The following UAP1 variants were observed in gnomAD, a reference collection of about 807,000 sequenced individuals.
The protein encoded by UAP1 is UDP-N-acetylglucosamine pyrophosphorylase 1.
In UAP1, 25 loss-of-function variants were observed where a neutral mutation model predicts 58.5. That is an observed-to-expected ratio of 0.43 (90% CI 0.31 to 0.60). The LOEUF is 0.60. Among genes scored for constraint, UAP1 ranks in the 20% least tolerant of loss-of-function variants. The pLI, the probability that UAP1 is intolerant of heterozygous loss-of-function variation, is 0.11. For synonymous variants in UAP1, 208 were observed against 213.0 expected, an observed-to-expected ratio of 0.98 and a Z score of 0.21; for missense variants, 575 against 630.0, an observed-to-expected ratio of 0.91 and a Z score of 0.93.
rs146006686 is a variant in UAP1 at position 162,581,754 on chromosome 1, G to A, written c.834+295G>A. Reference sequence around the variant, plus strand: ...GGGTTGGATTCATTAATATCAAATTGTGTTCAATCAGATTAACCCAACTTT... The same window carrying A: ...GGGTTGGATTCATTAATATCAAATTATGTTCAATCAGATTAACCCAACTTT... On this transcript the variant is annotated intron_variant, in intron 5 of 10. Transcript: ENST00000271469. Among the ~76,000 whole-genome samples, 626 of 152,292 alleles carry A rather than the reference G, an allele frequency of 4.1e-3. 13 individuals carry two copies. The highest frequency in any genetic ancestry group is 1.1e-3 in the Non-Finnish European group (78 of 68,018).
At chr1:162,589,230 T>A (rs1294048100) in intron 7 of UAP1, among the ~76,000 whole-genome samples, 1 of 121,696 alleles carries the variant, frequency 8.2e-6, no homozygotes, top group African/African-American at 3.2e-5. Context: ...ATTTATATAT[T>A]ATATATAAAT....
Position 162,599,102 on chromosome 1 carries a change from G to A in UAP1, c.1477-169G>A, listed in dbSNP as rs551999259. The stretch of plus-strand genomic sequence containing the variant: ...ATATTTTTGTTTTATGCTTTTACAA[G>A]TCAGTCATTAAGTCTACTCTAAAAT... On this transcript the variant is annotated intron_variant, in intron 10 of 10. Transcript: ENST00000271469. Among the ~76,000 whole-genome samples, 5 of 151,462 alleles carry A rather than the reference G, an allele frequency of 3.3e-5. No homozygotes were observed. The East Asian group carries it at 9.6e-4, about 29-fold the overall frequency.
At chr1:162,568,526 G>A (rs1310606842) in intron 2 of UAP1, among the ~76,000 whole-genome samples, 1 of 152,216 alleles carries the variant, frequency 6.6e-6, no homozygotes, top group Non-Finnish European at 1.5e-5. Flanking sequence ...TCTTCTTCAA[G>A]GAGGTGCTTT....
chr1:162,587,479 T>TA lies in UAP1; in HGVS notation c.840dup (p.Glu281ArgfsTer25). ...CTGTTTTTCTCTGGTGGACAGGTGG[T>TA]AGAGAAAACGAACCCTACAGAACCA... On this transcript the variant is annotated frameshift_variant, in exon 6 of 11. Coordinates refer to ENST00000271469, the Ensembl canonical transcript of UAP1. LOFTEE classifies it high-confidence loss of function. 1 of 1,605,218 alleles carries TA rather than the reference T, an allele frequency of 6.2e-7. No homozygotes were observed. Among genetic ancestry groups the TA allele is most frequent in the Non-Finnish European group, 8.5e-7 (1 of 1,173,662 alleles).
chr1:162,571,377 G>A (rs1032445182), intron 2 of UAP1, among the ~76,000 whole-genome samples: 7 of 152,076 alleles, frequency 4.6e-5, no homozygotes, highest in Non-Finnish European at 2.9e-5. Context: ...TGATTTGCCT[G>A]CCTTGGCCTC....
chr1:162,576,916 A>G, exon 3 of UAP1: 3 of 1,614,240 alleles, frequency 1.9e-6, no homozygotes, highest in Non-Finnish European at 2.5e-6. Context: ...AGATTCAAGC[A>G]GAGCGTATCC....
chr1:162,589,122 T>A lies in UAP1; in HGVS notation c.1169+289T>A, dbSNP rs1301616373. Among the ~76,000 whole-genome samples the A allele has an allele frequency of 9.7e-3, 1,134 of 116,436 alleles. 23 individuals carry two copies. The highest frequency in any genetic ancestry group is 0.037 in the African/African-American group (1,078 of 28,754). 76.4% of individuals were successfully genotyped at this position (116,436 alleles called of 152,430 possible). On this transcript the variant is annotated intron_variant, in intron 7 of 10. Coordinates refer to ENST00000271469, the Ensembl canonical transcript of UAP1. ...AAATATATATATTATATATATATTTTATATATATAATTTATATATTTATAT... is the reference window on the plus strand; with the variant it reads ...AAATATATATATTATATATATATTTAATATATATAATTTATATATTTATAT...
At chr1:162,597,737 C>A in intron 9 of UAP1, 55 bp from the exon 10 acceptor site, 1 of 1,487,456 alleles carries the variant, frequency 6.7e-7, no homozygotes, top group Non-Finnish European at 9.3e-7. Context: ...TACTTTTGCT[C>A]TGGCAAGTAA....
At chr1:162,568,357 A>T (rs1653654529) in intron 2 of UAP1, among the ~76,000 whole-genome samples, 1 of 152,150 alleles carries the variant, frequency 6.6e-6, no homozygotes, top group South Asian at 2.1e-4. Context: ...GCTGCCTCTT[A>T]TAGGGAGGGA....
At chr1:162,574,930 T>A (rs1654082005) in intron 2 of UAP1, among the ~76,000 whole-genome samples, 1 of 152,240 alleles carries the variant, frequency 6.6e-6, no homozygotes, top group African/African-American at 2.4e-5. Context: ...TTATGCTTGA[T>A]GACTATTTAT....
At chr1:162,567,167 C>T (rs1386084466) in intron 2 of UAP1, among the ~76,000 whole-genome samples, 1 of 152,204 alleles carries the variant, frequency 6.6e-6, no homozygotes, top group Admixed American at 6.5e-5. Context: ...GGGGAACTTA[C>T]ACTCATTCAT....
At chr1:162,584,310 T>C (rs1475592621) in intron 5 of UAP1, among the ~76,000 whole-genome samples, 1 of 152,214 alleles carries the variant, frequency 6.6e-6, no homozygotes, top group Non-Finnish European at 1.5e-5. Context: ...AAAACATGAC[T>C]AGACTGGCAT....
intron 1 of UAP1, chr1:162,562,372 G>A (rs1653204368): frequency 6.6e-6 from 1 of 152,076 alleles, no homozygotes; most frequent in Non-Finnish European, 1.5e-5. Context: ...AAACCTGTTT[G>A]CTTGCCACTT....
chr1:162,598,693 A>ATTAGAGATAGCTTTCTTGC (rs1186055245), intron 10 of UAP1, among the ~76,000 whole-genome samples: 1 of 152,210 alleles, frequency 6.6e-6, no homozygotes, highest in East Asian at 1.9e-4. Flanking sequence ...TTGTTGTAGC[A>ATTAGAGATAGCTTTCTTGC]TTAGAGATAG....
chr1:162,586,037 A>G (rs558799023), intron 5 of UAP1, among the ~76,000 whole-genome samples: 1 of 152,318 alleles, frequency 6.6e-6, no homozygotes, highest in South Asian at 2.1e-4. Flanking sequence ...GAACCACACA[A>G]CAGGCTTACT....
In UAP1 at chr1:162,587,669, G is replaced by A; in HGVS notation, c.1028+1G>A. 3 of 1,610,630 alleles carry A rather than the reference G, an allele frequency of 1.9e-6. No individual in the cohort carries two copies. Among genetic ancestry groups the A allele is most frequent in the Non-Finnish European group, 2.5e-6 (3 of 1,177,368 alleles). ...TACCATTTCTGAGAGATGTTGTCAA[G>A]TATGGGCAAGATGGGGGCCTTTTAA... On this transcript the variant is annotated splice_donor_variant, in intron 6 of 10. Coordinates refer to ENST00000271469, the Ensembl canonical transcript of UAP1. LOFTEE classifies it high-confidence loss of function.
chr1:162,576,989 A>G lies in UAP1; in HGVS notation c.485+8A>G. On this transcript the variant is annotated splice_region_variant and intron_variant, in intron 3 of 10. Coordinates refer to ENST00000271469, the Ensembl canonical transcript of UAP1. The stretch of plus-strand genomic sequence containing the variant: ...CAAATGCATTATTCCATGGTAAGAT[A>G]CGTCTCATTATTGGAGTGTGTCTGA... The G allele has an allele frequency of 1.2e-6, 2 of 1,613,014 alleles. No individual in the cohort carries two copies. The highest frequency in any genetic ancestry group is 1.7e-6 in the Non-Finnish European group (2 of 1,178,988).
chr1:162,587,610 A>G, exon 6 of UAP1: 1 of 1,614,126 alleles, frequency 6.2e-7, no homozygotes, highest in Non-Finnish European at 8.5e-7. Flanking sequence ...ACTGCTGTTC[A>G]ATGCGGGGAA....
At chr1:162,573,821 A>C (rs959630265) in intron 2 of UAP1, among the ~76,000 whole-genome samples, 3 of 151,842 alleles carry the variant, frequency 2.0e-5, no homozygotes. Context: ...AAAATTAGCT[A>C]AGTGCGCTGG....
Sources: gnomAD v4.1 joint callset for allele counts (sites outside exome capture counted in the v4.1 genomes callset) on GRCh38, gnomAD v4.1.1 for gene constraint, MANE v1.5 for transcripts, NCBI Gene and HGNC (gene_info 2026-07-23, HGNC 2026-07-21) for gene names.